Variants in KCTD16 observed in about 807,000 individuals in gnomAD.
KCTD16 encodes the protein BTB/POZ domain-containing protein KCTD16.
A neutral mutation model predicts 33.2 loss-of-function variants in KCTD16; 13 were observed. The ratio of observed to expected loss-of-function variants is 0.39; its 90% CI spans 0.25 to 0.62. The LOEUF is 0.62. KCTD16 is among the 20% of genes least tolerant of loss of function. The probability of loss-of-function intolerance (pLI) is 0.50; values close to 1 mark genes in which losing one functional copy is unlikely to be tolerated. For synonymous variants in KCTD16, 197 were observed against 195.3 expected, an observed-to-expected ratio of 1.01 and a Z score of -0.07; for missense variants, 441 against 525.1, an observed-to-expected ratio of 0.84 and a Z score of 1.57.
At chr5:144,382,017 T>TATAC (rs111382461) in intron 3 of KCTD16, among the ~76,000 whole-genome samples, 128,973 of 149,784 alleles carry the variant, frequency 0.86, 56,591 homozygotes, top group East Asian at 0.95. Context: ...AAGATGTTTA[T>TATAC]ATACATACAT....
chr5:144,423,485 A>G (rs1580953183), intron 3 of KCTD16, among the ~76,000 whole-genome samples: 1 of 152,120 alleles, frequency 6.6e-6, no homozygotes, highest in Non-Finnish European at 1.5e-5. Context: ...CAGCCCTTTC[A>G]GAAAATACAT....
rs536863558 is a variant in KCTD16, at chr5:144,424,715, A to T, written c.833-48945A>T. On this transcript the variant is annotated intron_variant, in intron 3 of 3. Coordinates refer to ENST00000512467, the MANE Select transcript of KCTD16 (RefSeq NM_020768.4). ...AGAGCATCACAAGGTGAGTGAGCCT[A>T]CCAGACAAGAGACAAGATGGGAGCC... 2.6e-5 allele frequency among the ~76,000 whole-genome samples: 4 copies of T among 152,146 alleles called. No homozygotes were observed. The South Asian group carries it at 8.3e-4, about 32-fold the overall frequency.
intron 2 of KCTD16, among the ~76,000 whole-genome samples, chr5:144,204,003 A>G (rs1471259901): frequency 6.6e-6 from 1 of 152,254 alleles, no homozygotes; most frequent in African/African-American, 2.4e-5. Flanking sequence ...GATTGAGGCC[A>G]GAACAGGTTA....
chr5:144,386,863 A>G (rs901060511), intron 3 of KCTD16, among the ~76,000 whole-genome samples: 2 of 152,262 alleles, frequency 1.3e-5, no homozygotes, highest in African/African-American at 2.4e-5. Context: ...GCTAATGCAC[A>G]TGAGAGTACT....
chr5:144,273,185 A>G (rs557642472), intron 3 of KCTD16, among the ~76,000 whole-genome samples: 1 of 152,182 alleles, frequency 6.6e-6, no homozygotes, highest in Non-Finnish European at 1.5e-5. Context: ...TCTAAAGAGG[A>G]TATAAAAATG....
intron 3 of KCTD16, among the ~76,000 whole-genome samples, chr5:144,287,632 T>A (rs1755781145): frequency 6.6e-6 from 1 of 152,104 alleles, no homozygotes; most frequent in Non-Finnish European, 1.5e-5. Flanking sequence ...TCTTTAATAA[T>A]AATATTATTA....
intron 3 of KCTD16, among the ~76,000 whole-genome samples, chr5:144,220,010 C>T (rs1439405956): frequency 1.3e-5 from 2 of 152,196 alleles, no homozygotes; most frequent in African/African-American, 2.4e-5. Flanking sequence ...CATATCACAA[C>T]TCACATTCCT....
At chr5:144,456,796 CA>C (rs1754075332) in intron 3 of KCTD16, among the ~76,000 whole-genome samples, 1 of 138,678 alleles carries the variant, frequency 7.2e-6, no homozygotes, top group South Asian at 2.3e-4. Context: ...AACAAGCAAA[CA>C]AAACAATAAA....
chr5:144,280,675 A>G (rs1755574118), intron 3 of KCTD16, among the ~76,000 whole-genome samples: 1 of 152,244 alleles, frequency 6.6e-6, no homozygotes, highest in African/African-American at 2.4e-5. Flanking sequence ...CTGTAATCCC[A>G]GCACTTCGGG....
chr5:144,183,131 A>G (rs1227917034), intron 2 of KCTD16, among the ~76,000 whole-genome samples: 1 of 152,106 alleles, frequency 6.6e-6, no homozygotes. Flanking sequence ...AGATCCTAAC[A>G]TGTAAGTAAA....
chr5:144,322,639 C>A (rs999049344), intron 3 of KCTD16, among the ~76,000 whole-genome samples: 8 of 151,518 alleles, frequency 5.3e-5, no homozygotes, highest in African/African-American at 1.7e-4. Context: ...TTTTTTTAAA[C>A]CACTATGCAA....
chr5:144,477,560 C>T lies in KCTD16; in HGVS notation c.*3446C>T, dbSNP rs530882404. The T allele has an allele frequency of 2.6e-5, 4 of 152,194 alleles. No individual in the cohort carries two copies. Among genetic ancestry groups the T allele is most frequent in the African/African-American group, 9.6e-5 (4 of 41,534 alleles). The allele number at this position is 152,194 out of a possible 1,614,324, so 9.4% of individuals were successfully genotyped here. On this transcript the variant is annotated 3_prime_UTR_variant, in exon 4 of 4. Transcript: ENST00000512467. ...CAGGTGTGTTGCTTGTTCTGGGCCC[C>T]ATTACTGCCTGCGCTTCTGGATTAC... is the stretch of plus-strand genomic sequence containing the variant.
intron 3 of KCTD16, among the ~76,000 whole-genome samples, chr5:144,313,584 A>C (rs1751828009): frequency 6.6e-6 from 1 of 152,204 alleles, no homozygotes; most frequent in Non-Finnish European, 1.5e-5. Flanking sequence ...CAGATTTACG[A>C]TGCTTTTTCT....
chr5:144,410,989 G>T (rs1193648310), intron 3 of KCTD16, among the ~76,000 whole-genome samples: 2 of 152,050 alleles, frequency 1.3e-5, no homozygotes. Flanking sequence ...TTTTTAGAAA[G>T]ATAAGATCTA....
chr5:144,214,913 G>A (rs987285922), intron 3 of KCTD16, among the ~76,000 whole-genome samples: 1 of 152,116 alleles, frequency 6.6e-6, no homozygotes, highest in Non-Finnish European at 1.5e-5. Context: ...TGGAACAAAT[G>A]TAGGTATAGT....
chr5:144,403,145 T>C (rs73795534), intron 3 of KCTD16, among the ~76,000 whole-genome samples: 2,369 of 152,302 alleles, frequency 0.016, 50 homozygotes, highest in African/African-American at 0.051. Context: ...TCCAGGGTTA[T>C]CTCCCATCTC....
intron 3 of KCTD16, among the ~76,000 whole-genome samples, chr5:144,344,247 G>T (rs191374692): frequency 1.3e-5 from 2 of 152,066 alleles, no homozygotes; most frequent in Non-Finnish European, 2.9e-5. Context: ...ACCTAAAACC[G>T]TAACAATCCT....
At chr5:144,223,311 A>G (rs1246108019) in intron 3 of KCTD16, among the ~76,000 whole-genome samples, 1 of 152,094 alleles carries the variant, frequency 6.6e-6, no homozygotes, top group East Asian at 1.9e-4. Flanking sequence ...TATATGTATA[A>G]AAAAGTAGAT....
chr5:144,286,693 A>G (rs979833527), intron 3 of KCTD16, among the ~76,000 whole-genome samples: 3 of 152,192 alleles, frequency 2.0e-5, no homozygotes, highest in Non-Finnish European at 2.9e-5. Flanking sequence ...ACTTTTTACA[A>G]GGAGGAATTA....
Sources: allele counts gnomAD v4.1 joint callset (sites outside exome capture counted in the v4.1 genomes callset), GRCh38; gene constraint gnomAD v4.1.1; transcripts MANE v1.5; gene names NCBI Gene and HGNC (gene_info 2026-07-23, HGNC 2026-07-21).